Variants in LDLRAD1 observed in about 807,000 individuals in gnomAD.
LDLRAD1 encodes low-density lipoprotein receptor class A domain-containing protein 1.
In LDLRAD1, 17 loss-of-function variants were observed where a neutral mutation model predicts 24.8. The observed-to-expected ratio is 0.69, with a 90% CI of 0.47 to 1.03. The LOEUF (loss-of-function observed/expected upper bound fraction) is 1.03. LDLRAD1 is among the 50% of genes least tolerant of loss of function. LDLRAD1 has a pLI of 0.00. For synonymous variants in LDLRAD1, 103 were observed against 108.2 expected (o/e 0.95, Z 0.30); for missense variants, 277 against 271.0 (o/e 1.02, Z -0.16).
intron 4 of LDLRAD1, among the ~76,000 whole-genome samples, chr1:54,011,704 G>C (rs571883428): frequency 6.6e-6 from 1 of 152,156 alleles, no homozygotes; most frequent in Non-Finnish European, 1.5e-5. Context: ...CTGGGGCCCC[G>C]ATATCAAGCG....
chr1:54,011,135 G>A (rs946743711), intron 4 of LDLRAD1, among the ~76,000 whole-genome samples: 9 of 152,182 alleles, frequency 5.9e-5, no homozygotes, highest in Non-Finnish European at 1.0e-4. Flanking sequence ...TGGGTCACAA[G>A]GGGGCTGACT....
Position 54,008,553 on chromosome 1 carries a change from T to C in LDLRAD1, c.*429A>G. 1 of 157,094 alleles carries C rather than the reference T, an allele frequency of 6.4e-6. No individual in the cohort carries two copies. Among genetic ancestry groups the C allele is most frequent in the Non-Finnish European group, 1.4e-5 (1 of 71,460 alleles). 9.7% of individuals were successfully genotyped at this position (157,094 alleles called of 1,614,324 possible). A position where few individuals can be genotyped will look rare whatever the true frequency, so the allele number is the denominator to read the frequency against. On this transcript the variant is annotated 3_prime_UTR_variant, in exon 6 of 6. Coordinates refer to ENST00000371360, the MANE Select transcript of LDLRAD1 (RefSeq NM_001010978.4). ...CGTCTTTGTTTGTGTTTGTGTTTTGTTTCATTTTTTTTTTGAGACAGGGTC... is the reference window on the plus strand; with the variant it reads ...CGTCTTTGTTTGTGTTTGTGTTTTGCTTCATTTTTTTTTTGAGACAGGGTC...
chr1:54,014,817 G>A (rs1206543867), intron 2 of LDLRAD1, among the ~76,000 whole-genome samples: 1 of 152,212 alleles, frequency 6.6e-6, no homozygotes, highest in Admixed American at 6.5e-5. Context: ...GGTGGAGCTG[G>A]CGTGTGAATC....
In LDLRAD1 at chr1:54,009,177, C is replaced by T. The variant is rs78287098; in HGVS notation, c.470-47G>A. On this transcript the variant is annotated intron_variant, in intron 5 of 5. Transcript: ENST00000371360. ...GGAGAGCAGTTGCTGTGTCCTGGAA[C>T]GCTCTGTGCACCAGGGCACTCCCTA... The T allele has an allele frequency of 3.1e-4, 492 of 1,593,784 alleles. 2 individuals are homozygous for T. The East Asian group carries it at 0.01, about 33-fold the overall frequency.
intron 2 of LDLRAD1, among the ~76,000 whole-genome samples, chr1:54,014,935 C>T (rs932591138): frequency 4.6e-5 from 7 of 152,216 alleles, no homozygotes; most frequent in South Asian, 2.1e-4. Context: ...CCGCATCCTA[C>T]CTGGGCCACA....
At position 54,010,368 on chromosome 1, in the gene LDLRAD1, C is replaced by T. The variant is rs1311223716; in HGVS notation, c.383G>A (p.Cys128Tyr). 6.2e-7 allele frequency: 1 copy of T among 1,613,876 alleles called. No homozygotes were observed. Among genetic ancestry groups the T allele is most frequent in the African/African-American group, 1.3e-5 (1 of 74,882 alleles). The change falls in exon 5 of 6, where the codon TGT becomes TAT. Residue 128 changes from cysteine to tyrosine, a missense_variant. By Grantham distance (194) the Cys-to-Tyr change is radical (BLOSUM62 -2). Coordinates refer to ENST00000371360, the MANE Select transcript of LDLRAD1 (RefSeq NM_001010978.4). ...GTAGATCCAGGAGGCCGGGTCTCCA[C>T]AGTGGGCCACAAGGAAGTGGGGGAG... ...QSLPHFLVAH[C>Y]GDPASWIYSD...
At chr1:54,016,560 A>G (rs944789909) in intron 2 of LDLRAD1, among the ~76,000 whole-genome samples, 1 of 152,108 alleles carries the variant, frequency 6.6e-6, no homozygotes, top group African/African-American at 2.4e-5. Context: ...TCTTTCCACA[A>G]CCCCGCCCAT....
chr1:54,008,883 AAGGCTGCTTCCTG>A lies in LDLRAD1; in HGVS notation c.*86_*98del. ...GAAATGATGTGTAGATCCCATTTCA[AAGGCTGCTTCCTG>A]CCCTTGTGCGCTAGGATTTGATTTT... On this transcript the variant is annotated 3_prime_UTR_variant, in exon 6 of 6. Coordinates refer to ENST00000371360, the MANE Select transcript of LDLRAD1 (RefSeq NM_001010978.4). 1.0e-6 allele frequency: 1 copy of A among 994,598 alleles called. No homozygotes were observed. Among genetic ancestry groups the A allele is most frequent in the South Asian group, 2.7e-5 (1 of 36,480 alleles). 61.6% of individuals were successfully genotyped at this position (994,598 alleles called of 1,614,324 possible).
At chr1:54,010,183 A>C in intron 5 of LDLRAD1, 99 bp downstream of exon 5, 1,232 of 1,121,170 alleles carry the variant, frequency 1.1e-3, no homozygotes, top group Non-Finnish European at 1.3e-3. Context: ...GATGCAGGGA[A>C]GCATGCAAGG....
At chr1:54,012,877 C>T (rs1656121204) in intron 3 of LDLRAD1, among the ~76,000 whole-genome samples, 1 of 152,178 alleles carries the variant, frequency 6.6e-6, no homozygotes, top group South Asian at 2.1e-4. Context: ...AATACCCACT[C>T]CTAGGGCTGC....
At chr1:54,009,265 C>T in intron 5 of LDLRAD1, 135 bp from the exon 6 acceptor site, 1 of 758,226 alleles carries the variant, frequency 1.3e-6, no homozygotes, top group Non-Finnish European at 2.2e-6. Flanking sequence ...GAGTGTGTTC[C>T]TAGTTTTCCT....
At chr1:54,010,965 T>C (rs1347591222) in intron 4 of LDLRAD1, among the ~76,000 whole-genome samples, 1 of 152,118 alleles carries the variant, frequency 6.6e-6, no homozygotes, top group East Asian at 1.9e-4. Flanking sequence ...TCACTAGAGG[T>C]AGAAAACCTT....
At position 54,009,265 on chromosome 1, in the gene LDLRAD1, C is replaced by G. The variant is rs182103744; in HGVS notation, c.470-135G>C. ...CATCTGACGTGAGTTGAGTGTGTTC[C>G]TAGTTTTCCTGCGGCAGAGAGAATC... On this transcript the variant is annotated intron_variant, in intron 5 of 5. Coordinates refer to ENST00000371360, the MANE Select transcript of LDLRAD1 (RefSeq NM_001010978.4). 4.2e-4 allele frequency: 320 copies of G among 758,226 alleles called. 1 individual carries two copies. The African/African-American group carries it at 4.6e-3, about 11-fold the overall frequency. 47.0% of individuals were successfully genotyped at this position (758,226 alleles called of 1,614,324 possible).
At chr1:54,012,544 A>C (rs964925779) in intron 3 of LDLRAD1, among the ~76,000 whole-genome samples, 1 of 152,184 alleles carries the variant, frequency 6.6e-6, no homozygotes, top group Non-Finnish European at 1.5e-5. Flanking sequence ...GTGGGGATTA[A>C]ATGAAAGCAT....
chr1:54,015,748 T>G (rs1191394711), intron 2 of LDLRAD1, among the ~76,000 whole-genome samples: 1 of 151,730 alleles, frequency 6.6e-6, no homozygotes, highest in Non-Finnish European at 1.5e-5. Context: ...CTCTGCCTTC[T>G]GGGTTCAAGC....
rs555119203 is a variant in LDLRAD1 at position 54,012,142 on chromosome 1, C to T, written c.340+1G>A. ...AGGGGCAGCACCGAGCGGGTACTCA[C>T]GGCACAAGCTCTCATCCTCGTCCTC... is the stretch of plus-strand genomic sequence containing the variant. On this transcript the variant is annotated splice_donor_variant, in intron 4 of 5. Transcript: ENST00000371360. LOFTEE classifies it high-confidence loss of function. 5.6e-5 allele frequency: 91 copies of T among 1,613,552 alleles called. No homozygotes were observed. Among genetic ancestry groups the T allele is most frequent in the Non-Finnish European group, 6.9e-5 (82 of 1,179,950 alleles).
In LDLRAD1 at chr1:54,009,080, A is replaced by G; in HGVS notation, c.520T>C (p.Phe174Leu). The G allele has an allele frequency of 6.2e-7, 1 of 1,614,010 alleles. No individual in the cohort carries two copies. The highest frequency in any genetic ancestry group is 8.5e-7 in the Non-Finnish European group (1 of 1,179,978). The change falls in exon 6 of 6, where the codon TTC (phenylalanine) becomes CTC (leucine). Residue 174 changes from phenylalanine to leucine, a missense_variant. Physicochemically the swap from Phe to Leu is conservative, Grantham distance 22 (BLOSUM62 0). Coordinates refer to ENST00000371360, the MANE Select transcript of LDLRAD1 (RefSeq NM_001010978.4). ...GGTATACAGTCGCAGTACTTGAAGA[A>G]GGTTGAAGGACAGCGCCACCACCCA... ...GPGWWRCPST[F>L]FKYCDCIPRH... is the part of the protein sequence containing the mutation.
chr1:54,017,670 TC>T (rs1226442338), intron 1 of LDLRAD1, among the ~76,000 whole-genome samples: 1 of 152,116 alleles, frequency 6.6e-6, no homozygotes, highest in African/African-American at 2.4e-5. Context: ...TAAATATTCA[TC>T]CTTCAAACCG....
chr1:54,015,201 C>A (rs1307713020), intron 2 of LDLRAD1, among the ~76,000 whole-genome samples: 1 of 151,932 alleles, frequency 6.6e-6, no homozygotes, highest in Non-Finnish European at 1.5e-5. Context: ...AAGTCCTAGG[C>A]TCAAGCAGTC....
Sources: gnomAD v4.1 joint callset for allele counts (sites outside exome capture counted in the v4.1 genomes callset) on GRCh38, gnomAD v4.1.1 for gene constraint, MANE v1.5 for transcripts, NCBI Gene and HGNC (gene_info 2026-07-23, HGNC 2026-07-21) for gene names.